Variants in EYS observed in about 807,000 individuals in gnomAD.
The protein encoded by EYS is protein eyes shut homolog.
Under a neutral mutation model 282.1 loss-of-function variants are expected in EYS, and 250 were observed. The observed-to-expected ratio is 0.89, with a 90% CI of 0.80 to 0.98. The LOEUF (loss-of-function observed/expected upper bound fraction) is 0.98. Ranked by LOEUF, EYS falls within the 50% of genes least tolerant of loss-of-function variation. The pLI is 0.00. For missense variants in EYS, 4,016 were observed against 3,709.0 expected (o/e 1.08, Z -2.15); for synonymous variants, 1,355 against 1,282.9 (o/e 1.06, Z -1.20).
At chr6:64,110,529 A>G (rs577171268) in intron 31 of EYS, among the ~76,000 whole-genome samples, 147 of 152,160 alleles carry the variant, frequency 9.7e-4, no homozygotes, top group African/African-American at 3.4e-3. Context: ...TTTGTTGGCT[A>G]TGGCTATATG....
chr6:64,938,616 C>A (rs1768988765), intron 15 of EYS, among the ~76,000 whole-genome samples: 1 of 151,432 alleles, frequency 6.6e-6, no homozygotes, highest in African/African-American at 2.4e-5. Flanking sequence ...TTTTTGCTTT[C>A]AGTGGAGTAT....
chr6:64,418,360 T>C (rs574760658), intron 28 of EYS, among the ~76,000 whole-genome samples: 1 of 152,332 alleles, frequency 6.6e-6, no homozygotes, highest in South Asian at 2.1e-4. Context: ...CTTTTTATTT[T>C]CTAATAACCA....
chr6:65,294,081 T>C, intron 12 of EYS, among the ~76,000 whole-genome samples: 1 of 151,080 alleles, frequency 6.6e-6, no homozygotes, highest in East Asian at 1.9e-4. Flanking sequence ...AGAAACCAGG[T>C]GGAAACGGAG....
At chr6:64,080,152 C>T (rs989350227) in intron 32 of EYS, among the ~76,000 whole-genome samples, 17 of 152,196 alleles carry the variant, frequency 1.1e-4, no homozygotes, top group Non-Finnish European at 2.4e-4. Context: ...CACTGTCTTC[C>T]TCAATGGTTG....
At chr6:65,201,292 A>G (rs1765894246) in intron 12 of EYS, among the ~76,000 whole-genome samples, 1 of 152,330 alleles carries the variant, frequency 6.6e-6, no homozygotes, top group Non-Finnish European at 1.5e-5. Flanking sequence ...GTATGTTAAC[A>G]TAAATGAATA....
intron 35 of EYS, among the ~76,000 whole-genome samples, chr6:63,946,606 A>C (rs1314561144): frequency 6.6e-6 from 1 of 152,178 alleles, no homozygotes; most frequent in Non-Finnish European, 1.5e-5. Context: ...CTGGTTTACA[A>C]AATTGGTTTA....
At chr6:64,834,738 A>G (rs531738109) in intron 19 of EYS, among the ~76,000 whole-genome samples, 28 of 151,954 alleles carry the variant, frequency 1.8e-4, no homozygotes, top group Non-Finnish European at 2.8e-4. Context: ...AAGTCTCTAT[A>G]ATGTTTAATT....
At chr6:64,229,524 T>C (rs1766355175) in intron 31 of EYS, among the ~76,000 whole-genome samples, 1 of 150,356 alleles carries the variant, frequency 6.7e-6, no homozygotes, top group Non-Finnish European at 1.5e-5. Flanking sequence ...CATAGTGATG[T>C]ATCTTCAGAG....
At chr6:64,649,069 A>C (rs1444262103) in intron 22 of EYS, among the ~76,000 whole-genome samples, 1 of 152,186 alleles carries the variant, frequency 6.6e-6, no homozygotes, top group African/African-American at 2.4e-5. Flanking sequence ...GAAATGATTT[A>C]GAAGATCTAA....
At chr6:65,423,944 A>G (rs747978769) in intron 5 of EYS, among the ~76,000 whole-genome samples, 3 of 151,890 alleles carry the variant, frequency 2.0e-5, no homozygotes, top group African/African-American at 7.3e-5. Flanking sequence ...TGACTTTTCA[A>G]TTCCTTTCAG....
intron 4 of EYS, among the ~76,000 whole-genome samples, chr6:65,493,440 C>G (rs1033300999): frequency 7.2e-5 from 11 of 152,158 alleles, no homozygotes; most frequent in Non-Finnish European, 1.5e-4. Context: ...TCAGCTGTGT[C>G]AAATATTTCT....
intron 19 of EYS, among the ~76,000 whole-genome samples, chr6:64,861,608 C>T (rs1407238339): frequency 6.6e-6 from 1 of 152,182 alleles, no homozygotes; most frequent in African/African-American, 2.4e-5. Flanking sequence ...ACCCTGCCAT[C>T]TCAGAAAAGG....
chr6:64,664,923 A>C (rs1338087085), intron 22 of EYS, among the ~76,000 whole-genome samples: 1 of 152,196 alleles, frequency 6.6e-6, no homozygotes, highest in Non-Finnish European at 1.5e-5. Flanking sequence ...CAAGTACCAC[A>C]ACATGAAATG....
At chr6:63,877,559 G>A (rs914949459) in intron 35 of EYS, among the ~76,000 whole-genome samples, 2 of 152,192 alleles carry the variant, frequency 1.3e-5, no homozygotes, top group African/African-American at 4.8e-5. Context: ...AATATCCTGA[G>A]AGTGTTTTCC....
intron 12 of EYS, among the ~76,000 whole-genome samples, chr6:65,065,759 G>A (rs941137305): frequency 4.6e-5 from 7 of 152,094 alleles, no homozygotes; most frequent in African/African-American, 1.7e-4. Flanking sequence ...TGCCACACAT[G>A]CCTAGGAAAC....
At chr6:64,820,749 A>G (rs1282117453) in intron 21 of EYS, among the ~76,000 whole-genome samples, 1 of 152,136 alleles carries the variant, frequency 6.6e-6, no homozygotes, top group Non-Finnish European at 1.5e-5. Flanking sequence ...GTAAGTAGCA[A>G]TATAGAGTTT....
At chr6:63,725,801 T>C (rs1768592210) in intron 42 of EYS, among the ~76,000 whole-genome samples, 1 of 152,102 alleles carries the variant, frequency 6.6e-6, no homozygotes, top group South Asian at 2.1e-4. Context: ...TGATGTGAAA[T>C]TTAGCAAATG....
At chr6:65,253,835 G>A (rs529277577) in intron 12 of EYS, among the ~76,000 whole-genome samples, 134 of 151,692 alleles carry the variant, frequency 8.8e-4, no homozygotes, top group African/African-American at 3.0e-3. Context: ...TTTTTATTAC[G>A]TAGTGACTTA....
chr6:63,884,272 T>C (rs1333977210), intron 35 of EYS, among the ~76,000 whole-genome samples: 1 of 151,978 alleles, frequency 6.6e-6, no homozygotes, highest in Middle Eastern at 3.2e-3. Flanking sequence ...ACTAAGAAGA[T>C]ACATCTGAAG....
Sources: gnomAD v4.1 joint callset for allele counts (sites outside exome capture counted in the v4.1 genomes callset) on GRCh38, gnomAD v4.1.1 for gene constraint, MANE v1.5 for transcripts, NCBI Gene and HGNC (gene_info 2026-07-23, HGNC 2026-07-21) for gene names.